Variants in DPYD observed in about 807,000 individuals in gnomAD.
DPYD encodes dihydropyrimidine dehydrogenase, also known as dihydropyrimidine dehydrogenase [NADP(+)].
A neutral mutation model predicts 116.2 loss-of-function variants in DPYD; 109 were observed. The ratio of observed to expected loss-of-function variants is 0.94; its 90% CI spans 0.80 to 1.10. DPYD has a LOEUF of 1.10. Ranked by LOEUF, DPYD falls within the 50% of genes least tolerant of loss-of-function variation. The probability of loss-of-function intolerance (pLI) is 0.00; values close to 1 mark genes in which losing one functional copy is unlikely to be tolerated. For synonymous variants in DPYD, 440 were observed against 432.0 expected, an observed-to-expected ratio of 1.02 and a Z score of -0.23; for missense variants, 1,302 against 1,254.5, an observed-to-expected ratio of 1.04 and a Z score of -0.57.
chr1:97,707,535 T>C (rs999955672), intron 5 of DPYD, among the ~76,000 whole-genome samples: 2 of 147,614 alleles, frequency 1.4e-5, no homozygotes, highest in Non-Finnish European at 3.0e-5. Flanking sequence ...TGAGTGAGAA[T>C]ATGCGGTGTT....
intron 16 of DPYD, among the ~76,000 whole-genome samples, chr1:97,344,629 C>T (rs569188345): frequency 7.1e-4 from 107 of 151,122 alleles, no homozygotes; most frequent in African/African-American, 1.1e-3. Context: ...TTGATATATG[C>T]GAAAATTGCT....
At chr1:97,166,108 T>C (rs552445146) in intron 20 of DPYD, among the ~76,000 whole-genome samples, 20 of 152,198 alleles carry the variant, frequency 1.3e-4, no homozygotes, top group African/African-American at 4.3e-4. Flanking sequence ...TTATTCTACC[T>C]ACCATAAAGA....
At chr1:97,142,460 A>G (rs972087764) in intron 20 of DPYD, among the ~76,000 whole-genome samples, 22 of 152,144 alleles carry the variant, frequency 1.4e-4, no homozygotes, top group Admixed American at 3.9e-4. Flanking sequence ...GGACCAAAGA[A>G]GAGAAATGAA....
intron 19 of DPYD, among the ~76,000 whole-genome samples, chr1:97,223,486 A>G (rs1460143447): frequency 6.6e-6 from 1 of 151,956 alleles, no homozygotes; most frequent in African/African-American, 2.4e-5. Context: ...TTAACTGATA[A>G]GTTTTGACTT....
intron 13 of DPYD, among the ~76,000 whole-genome samples, chr1:97,493,358 A>G (rs1328287822): frequency 1.3e-5 from 2 of 152,218 alleles, no homozygotes; most frequent in East Asian, 3.9e-4. Flanking sequence ...GAAGGAAGCC[A>G]TGGAAATCCA....
At chr1:97,600,010 A>G (rs1655152250) in intron 8 of DPYD, among the ~76,000 whole-genome samples, 1 of 151,810 alleles carries the variant, frequency 6.6e-6, no homozygotes, top group South Asian at 2.1e-4. Flanking sequence ...GCACCACTGC[A>G]CTCCAGGCTG....
At chr1:97,361,290 T>C (rs987873653) in intron 16 of DPYD, among the ~76,000 whole-genome samples, 1 of 151,998 alleles carries the variant, frequency 6.6e-6, no homozygotes, top group Non-Finnish European at 1.5e-5. Context: ...AATAACAGGC[T>C]CTGAAATTGA....
intron 4 of DPYD, among the ~76,000 whole-genome samples, chr1:97,726,763 C>T (rs755891155): frequency 1.3e-5 from 2 of 151,490 alleles, no homozygotes; most frequent in East Asian, 3.9e-4. Context: ...AAGTATCTTT[C>T]CACAAGAATA....
At chr1:97,380,907 G>C (rs1671919546) in intron 15 of DPYD, among the ~76,000 whole-genome samples, 1 of 152,168 alleles carries the variant, frequency 6.6e-6, no homozygotes, top group African/African-American at 2.4e-5. Flanking sequence ...TATGAGCTGT[G>C]ATGAAATCAT....
chr1:97,356,399 T>C (rs2101375581), intron 16 of DPYD, among the ~76,000 whole-genome samples: 1 of 152,288 alleles, frequency 6.6e-6, no homozygotes, highest in Admixed American at 6.5e-5. Flanking sequence ...ACTCTGTTAA[T>C]TGTTTCCTTT....
At chr1:97,810,672 A>G (rs1272585768) in intron 3 of DPYD, among the ~76,000 whole-genome samples, 3 of 152,100 alleles carry the variant, frequency 2.0e-5, no homozygotes, top group Non-Finnish European at 2.9e-5. Flanking sequence ...TACCAAAACC[A>G]GTATGACAGG....
chr1:97,613,002 C>T (rs1303963717), intron 8 of DPYD, among the ~76,000 whole-genome samples: 1 of 151,998 alleles, frequency 6.6e-6, no homozygotes, highest in African/African-American at 2.4e-5. Flanking sequence ...TTATCCATCA[C>T]ATTTTTATTA....
At chr1:97,324,879 T>C (rs1668634335) in intron 16 of DPYD, among the ~76,000 whole-genome samples, 1 of 152,074 alleles carries the variant, frequency 6.6e-6, no homozygotes, top group South Asian at 2.1e-4. Flanking sequence ...AGTAATATAG[T>C]CCATAAGGGA....
intron 12 of DPYD, among the ~76,000 whole-genome samples, chr1:97,523,256 T>C (rs1648819303): frequency 1.3e-5 from 2 of 152,290 alleles, no homozygotes; most frequent in Admixed American, 6.5e-5. Flanking sequence ...CAACCTTTCC[T>C]TTTTAGAAGT....
intron 18 of DPYD, among the ~76,000 whole-genome samples, chr1:97,249,848 A>T (rs1417477232): frequency 2.0e-5 from 3 of 152,202 alleles, no homozygotes. Context: ...GGAACTCGAA[A>T]TTAAAATCAC....
rs149399681 is a variant in DPYD, at chr1:97,426,822, G to A, written c.1905+23237C>T. On this transcript the variant is annotated intron_variant, in intron 14 of 22. Coordinates refer to ENST00000370192, the MANE Select transcript of DPYD (RefSeq NM_000110.4). ...TTTCAAAGAGCAGAGTCAAAAGGGA[G>A]GTGCTCTAGAAAAGAGGAGAGTTAA... Among the ~76,000 whole-genome samples, 649 of 152,186 alleles carry A rather than the reference G, an allele frequency of 4.3e-3. 7 individuals are homozygous for A. The highest frequency in any genetic ancestry group is 0.015 in the African/African-American group (632 of 41,538).
At chr1:97,781,489 C>T (rs1365540337) in intron 3 of DPYD, among the ~76,000 whole-genome samples, 1 of 152,182 alleles carries the variant, frequency 6.6e-6, no homozygotes, top group Admixed American at 6.5e-5. Context: ...TACATAAAGA[C>T]ATCCTTTCAA....
intron 3 of DPYD, among the ~76,000 whole-genome samples, chr1:97,788,435 T>C (rs1667153033): frequency 6.6e-6 from 1 of 152,158 alleles, no homozygotes; most frequent in Non-Finnish European, 1.5e-5. Context: ...CAGTACCAAC[T>C]GTCAACTACA....
At chr1:97,110,471 C>T (rs992982994) in intron 20 of DPYD, among the ~76,000 whole-genome samples, 2 of 152,072 alleles carry the variant, frequency 1.3e-5, no homozygotes, top group African/African-American at 4.8e-5. Context: ...TTGCTTCTGT[C>T]ATTTTTATCT....
Sources: allele counts gnomAD v4.1 joint callset (sites outside exome capture counted in the v4.1 genomes callset), GRCh38; gene constraint gnomAD v4.1.1; transcripts MANE v1.5; gene names NCBI Gene and HGNC (gene_info 2026-07-23, HGNC 2026-07-21).